The following PRDM16 variants were observed in gnomAD, a reference collection of about 807,000 sequenced individuals.
The protein encoded by PRDM16 is histone-lysine N-methyltransferase PRDM16.
PRDM16 carries 23 observed loss-of-function variants against 110.6 expected under a neutral mutation model. The observed-to-expected ratio is 0.21, with a 90% CI of 0.15 to 0.29. PRDM16 has a LOEUF of 0.29. PRDM16 is among the 10% of genes least tolerant of loss of function. The pLI, the probability that PRDM16 is intolerant of heterozygous loss-of-function variation, is 1.00. For missense variants in PRDM16, 1,615 were observed against 1,794.3 expected, an observed-to-expected ratio of 0.90 and a Z score of 1.81; for synonymous variants, 799 against 781.8, an observed-to-expected ratio of 1.02 and a Z score of -0.37.
chr1:3,266,575 G>A (rs1640298934), intron 3 of PRDM16, among the ~76,000 whole-genome samples: 1 of 152,220 alleles, frequency 6.6e-6, no homozygotes, highest in Non-Finnish European at 1.5e-5. Context: ...CCACTCCCTG[G>A]ATCTCAGACC....
At chr1:3,252,364 C>T (rs1470490807) in intron 3 of PRDM16, among the ~76,000 whole-genome samples, 1 of 141,714 alleles carries the variant, frequency 7.1e-6, no homozygotes, top group African/African-American at 2.4e-5. Flanking sequence ...CCCAGGTGGG[C>T]CCTGAATCCC....
At chr1:3,118,039 TGC>T (rs1276292419) in intron 1 of PRDM16, among the ~76,000 whole-genome samples, 1 of 151,686 alleles carries the variant, frequency 6.6e-6, no homozygotes, top group East Asian at 1.9e-4. Flanking sequence ...CATGTGTGTG[TGC>T]ATGCTCATGC....
chr1:3,170,039 G>A (rs1396281975), intron 1 of PRDM16, among the ~76,000 whole-genome samples: 2 of 149,944 alleles, frequency 1.3e-5, no homozygotes, highest in East Asian at 2.0e-4. Context: ...GGCTCTCCCT[G>A]TTAATAAAAA....
At chr1:3,070,957 C>T (rs999364005) in intron 1 of PRDM16, among the ~76,000 whole-genome samples, 2 of 152,234 alleles carry the variant, frequency 1.3e-5, no homozygotes, top group African/African-American at 2.4e-5. Context: ...CGAACAAGAC[C>T]GGGCGTTTCG....
chr1:3,178,086 T>C lies in PRDM16; in HGVS notation c.38-8039T>C, dbSNP rs149328633. ...CCATGGCTGGGTTTTACAAGAATGA[T>C]GGCCCGGTGTTTGGCGAGCTGAGGA... On this transcript the variant is annotated intron_variant, in intron 1 of 16. Transcript: ENST00000270722. Among the ~76,000 whole-genome samples, 1,050 of 152,260 alleles carry C rather than the reference T, an allele frequency of 6.9e-3. 13 individuals carry two copies. Among genetic ancestry groups the C allele is most frequent in the African/African-American group, 0.023 (966 of 41,546 alleles).
At chr1:3,196,588 G>T (rs1484446760) in intron 2 of PRDM16, among the ~76,000 whole-genome samples, 3 of 152,168 alleles carry the variant, frequency 2.0e-5, no homozygotes, top group East Asian at 1.9e-4. Flanking sequence ...CCAGAGAGGG[G>T]TTCAGCCAGG....
At chr1:3,236,679 G>T (rs1304368542) in intron 2 of PRDM16, among the ~76,000 whole-genome samples, 3 of 152,196 alleles carry the variant, frequency 2.0e-5, no homozygotes, top group Admixed American at 2.0e-4. Context: ...ACCTACTCAG[G>T]GTCCACTCAC....
chr1:3,305,681 T>TG (rs1641297885), intron 3 of PRDM16, among the ~76,000 whole-genome samples: 1 of 152,102 alleles, frequency 6.6e-6, no homozygotes, highest in Admixed American at 6.5e-5. Flanking sequence ...TGGAAAACGG[T>TG]GGGGAATTGT....
intron 2 of PRDM16, among the ~76,000 whole-genome samples, chr1:3,232,280 G>C (rs1569890347): frequency 6.6e-6 from 1 of 152,184 alleles, no homozygotes. Context: ...GGAGCTGCAC[G>C]GCCTGAGTTT....
chr1:3,129,050 A>G (rs1643274219), intron 1 of PRDM16, among the ~76,000 whole-genome samples: 1 of 152,052 alleles, frequency 6.6e-6, no homozygotes, highest in Non-Finnish European at 1.5e-5. Context: ...AGTCTGGTGC[A>G]TGTGTGTGTG....
intron 3 of PRDM16, among the ~76,000 whole-genome samples, chr1:3,343,319 ATTGT>A (rs34692733): frequency 0.33 from 48,656 of 147,910 alleles, 8,224 homozygotes; most frequent in South Asian, 0.47. Flanking sequence ...TTTAAATTGG[ATTGT>A]TTGTCTTTTT....
intron 3 of PRDM16, among the ~76,000 whole-genome samples, chr1:3,377,770 T>C (rs1311373450): frequency 6.6e-6 from 1 of 152,168 alleles, no homozygotes; most frequent in African/African-American, 2.4e-5. Flanking sequence ...TGTGGAGACG[T>C]GGGCTGGGCC....
intron 2 of PRDM16, among the ~76,000 whole-genome samples, chr1:3,223,103 C>CTTTTTTTTTT (rs1172383270): frequency 5.4e-5 from 4 of 73,994 alleles, no homozygotes; most frequent in African/African-American, 2.1e-4. Context: ...AAAATCAAGG[C>CTTTTTTTTTT]TTTTTTTTTT....
At chr1:3,198,116 G>A (rs1638526316) in intron 2 of PRDM16, among the ~76,000 whole-genome samples, 1 of 152,226 alleles carries the variant, frequency 6.6e-6, no homozygotes, top group Non-Finnish European at 1.5e-5. Flanking sequence ...GCCTGTCTCT[G>A]CTGCCTCCTG....
chr1:3,149,193 G>C (rs1043028175), intron 1 of PRDM16, among the ~76,000 whole-genome samples: 1 of 152,222 alleles, frequency 6.6e-6, no homozygotes, highest in Non-Finnish European at 1.5e-5. Context: ...GCCTGCATGA[G>C]ATATTGTCAG....
Position 3,146,356 on chromosome 1 carries a change from T to C in PRDM16, c.38-39769T>C, listed in dbSNP as rs77886742. Among the ~76,000 whole-genome samples the C allele has an allele frequency of 7.3e-3, 1,110 of 152,366 alleles. 14 individuals are homozygous for C. The highest frequency in any genetic ancestry group is 0.026 in the African/African-American group (1,071 of 41,578). The stretch of plus-strand genomic sequence containing the variant: ...GATAATCATATAAACCGTTCACAAA[T>C]CCAACCAGAAGCAATTCATAAAAAT... On this transcript the variant is annotated intron_variant, in intron 1 of 16. Coordinates refer to ENST00000270722, the MANE Select transcript of PRDM16 (RefSeq NM_022114.4).
chr1:3,238,366 G>T (rs1005540301), intron 2 of PRDM16, among the ~76,000 whole-genome samples: 2 of 152,276 alleles, frequency 1.3e-5, no homozygotes, highest in East Asian at 3.9e-4. Flanking sequence ...TTTTTCTTAG[G>T]AGTAAAGAGA....
chr1:3,113,578 C>T (rs1338663206), intron 1 of PRDM16, among the ~76,000 whole-genome samples: 1 of 152,168 alleles, frequency 6.6e-6, no homozygotes, highest in Non-Finnish European at 1.5e-5. Context: ...CATGGCTGGC[C>T]TTGGCGTCAC....
chr1:3,408,959 G>T (rs950221719), intron 8 of PRDM16, among the ~76,000 whole-genome samples: 1 of 150,210 alleles, frequency 6.7e-6, no homozygotes, highest in Non-Finnish European at 1.5e-5. Context: ...GGGCGTGTGA[G>T]CCAGTGCATG....
Sources: gnomAD v4.1 joint callset for allele counts (sites outside exome capture counted in the v4.1 genomes callset) on GRCh38, gnomAD v4.1.1 for gene constraint, MANE v1.5 for transcripts, NCBI Gene and HGNC (gene_info 2026-07-23, HGNC 2026-07-21) for gene names.